Variants in MAGI2 observed in about 807,000 individuals in gnomAD.
MAGI2 encodes membrane associated guanylate kinase, WW and PDZ domain containing 2.
A neutral mutation model predicts 133.3 loss-of-function variants in MAGI2; 35 were observed. That is an observed-to-expected ratio of 0.26 (90% CI 0.20 to 0.35). The LOEUF is 0.35. Among genes scored for constraint, MAGI2 ranks in the 10% least tolerant of loss-of-function variants. The pLI is 1.00. For synonymous variants in MAGI2, 729 were observed against 710.6 expected, an observed-to-expected ratio of 1.03 and a Z score of -0.41; for missense variants, 1,636 against 1,863.4, an observed-to-expected ratio of 0.88 and a Z score of 2.25.
chr7:79,158,630 G>A (rs1447967454), intron 1 of MAGI2, among the ~76,000 whole-genome samples: 1 of 152,008 alleles, frequency 6.6e-6, no homozygotes, highest in Non-Finnish European at 1.5e-5. Flanking sequence ...TTGGCTTAAT[G>A]AAAATAGTCA....
At chr7:79,049,206 C>T (rs1023475065) in intron 1 of MAGI2, among the ~76,000 whole-genome samples, 2 of 152,062 alleles carry the variant, frequency 1.3e-5, no homozygotes, top group Admixed American at 6.6e-5. Flanking sequence ...TTTCAATGAA[C>T]ATTAAATACT....
At chr7:78,720,797 CT>C (rs1343374131) in intron 2 of MAGI2, among the ~76,000 whole-genome samples, 4 of 152,082 alleles carry the variant, frequency 2.6e-5, no homozygotes, top group Admixed American at 1.3e-4. Context: ...AAATAATCAA[CT>C]TTTATTTCTC....
intron 1 of MAGI2, among the ~76,000 whole-genome samples, chr7:79,042,311 G>A (rs1811743115): frequency 6.6e-6 from 1 of 151,992 alleles, no homozygotes; most frequent in South Asian, 2.1e-4. Context: ...GATTGTTGTT[G>A]GTTTAAAGTC....
In MAGI2 at chr7:78,461,198, C is replaced by T. The variant is rs191730150; in HGVS notation, c.1045+28563G>A. Reference sequence around the variant, plus strand: ...TATATATTTGAGTGCCTACTGTTTGCGAAGAGGTGGACATATTACCTGTGC... The same window carrying T: ...TATATATTTGAGTGCCTACTGTTTGTGAAGAGGTGGACATATTACCTGTGC... On this transcript the variant is annotated intron_variant, in intron 6 of 21. Transcript: ENST00000354212. 2.2e-4 allele frequency among the ~76,000 whole-genome samples: 34 copies of T among 151,942 alleles called. 1 individual carries two copies. Among genetic ancestry groups the T allele is most frequent in the African/African-American group, 6.5e-4 (27 of 41,408 alleles).
At chr7:78,761,659 T>C (rs1824527164) in intron 2 of MAGI2, among the ~76,000 whole-genome samples, 1 of 152,114 alleles carries the variant, frequency 6.6e-6, no homozygotes, top group African/African-American at 2.4e-5. Flanking sequence ...GGTTTCACCA[T>C]GTTAGCCATG....
chr7:78,470,667 A>G (rs988903572), intron 6 of MAGI2, among the ~76,000 whole-genome samples: 3 of 152,178 alleles, frequency 2.0e-5, no homozygotes, highest in Admixed American at 1.3e-4. Flanking sequence ...TGGGCTTATA[A>G]AGTAATTTGG....
chr7:78,845,493 T>C (rs1267382866), intron 2 of MAGI2, among the ~76,000 whole-genome samples: 1 of 151,928 alleles, frequency 6.6e-6, no homozygotes, highest in Admixed American at 6.6e-5. Flanking sequence ...TATTTCAGTT[T>C]CTAAATCATT....
chr7:78,868,568 G>T (rs1255470076), intron 2 of MAGI2, among the ~76,000 whole-genome samples: 1 of 152,076 alleles, frequency 6.6e-6, no homozygotes. Flanking sequence ...ACCTTTTAAA[G>T]GATATTGTGT....
At chr7:78,530,499 C>T (rs186516640) in intron 3 of MAGI2, among the ~76,000 whole-genome samples, 35 of 152,288 alleles carry the variant, frequency 2.3e-4, no homozygotes, top group Admixed American at 2.0e-3. Context: ...CTTGTGTTCA[C>T]GGGTAGGACT....
At chr7:78,445,005 T>A (rs7795283) in intron 6 of MAGI2, among the ~76,000 whole-genome samples, 1 of 151,528 alleles carries the variant, frequency 6.6e-6, no homozygotes, top group East Asian at 1.9e-4. Flanking sequence ...CAAATTCCCC[T>A]GTCTTGATAC....
chr7:78,142,005 CACG>C (rs1481407453), intron 16 of MAGI2, among the ~76,000 whole-genome samples: 10 of 152,126 alleles, frequency 6.6e-5, no homozygotes, highest in Non-Finnish European at 4.4e-5. Context: ...AAAGAAATCT[CACG>C]ACATTAGGAA....
intron 3 of MAGI2, among the ~76,000 whole-genome samples, chr7:78,587,921 A>T (rs1275912579): frequency 2.0e-5 from 3 of 152,258 alleles, no homozygotes; most frequent in Non-Finnish European, 4.4e-5. Context: ...GGAATTTAAA[A>T]GAATTACAAG....
chr7:78,038,574 CA>C (rs3837119), intron 21 of MAGI2, among the ~76,000 whole-genome samples: 61,098 of 151,954 alleles, frequency 0.4, 12,584 homozygotes, highest in African/African-American at 0.43. Context: ...GCTAGAAATG[CA>C]GACTCCCCAC....
At chr7:79,283,368 T>C (rs946408401) in intron 1 of MAGI2, among the ~76,000 whole-genome samples, 1 of 152,160 alleles carries the variant, frequency 6.6e-6, no homozygotes, top group Non-Finnish European at 1.5e-5. Flanking sequence ...CGTGTCCAAG[T>C]GGTGACTATG....
At chr7:78,795,286 T>C (rs1482050303) in intron 2 of MAGI2, among the ~76,000 whole-genome samples, 3 of 151,856 alleles carry the variant, frequency 2.0e-5, no homozygotes, top group Non-Finnish European at 2.9e-5. Flanking sequence ...GTAACAATCT[T>C]ATATTCAGAT....
At position 79,119,164 on chromosome 7, in the gene MAGI2, T is replaced by A. The variant is rs563367996; in HGVS notation, c.302-111958A>T. Among the ~76,000 whole-genome samples, 4 of 152,284 alleles carry A rather than the reference T, an allele frequency of 2.6e-5. No individual in the cohort carries two copies. In the South Asian group the frequency reaches 8.3e-4, roughly 32 times the overall value. On this transcript the variant is annotated intron_variant, in intron 1 of 21. Coordinates refer to ENST00000354212, the MANE Select transcript of MAGI2 (RefSeq NM_012301.4). ...AGAAATCAGCGAAGTAATTTCTCTG[T>A]CTGGTTCACATAATAATTTGCATAG... is the stretch of plus-strand genomic sequence containing the variant.
At chr7:78,873,165 G>C (rs1306631409) in intron 2 of MAGI2, among the ~76,000 whole-genome samples, 2 of 152,148 alleles carry the variant, frequency 1.3e-5, no homozygotes, top group African/African-American at 4.8e-5. Context: ...TTTAAGAAAA[G>C]CTGCTAAATA....
chr7:78,117,827 T>C (rs1005302451), intron 20 of MAGI2, among the ~76,000 whole-genome samples: 1 of 152,226 alleles, frequency 6.6e-6, no homozygotes, highest in Non-Finnish European at 1.5e-5. Flanking sequence ...CTGATATAAT[T>C]GATCAATATA....
chr7:78,175,391 C>T (rs775720374), intron 14 of MAGI2, among the ~76,000 whole-genome samples: 25 of 152,096 alleles, frequency 1.6e-4, no homozygotes, highest in East Asian at 5.8e-4. Context: ...TTTTGGGGCC[C>T]CTCAGCTGAG....
Sources: allele counts gnomAD v4.1 joint callset (sites outside exome capture counted in the v4.1 genomes callset), GRCh38; gene constraint gnomAD v4.1.1; transcripts MANE v1.5; gene names NCBI Gene and HGNC (gene_info 2026-07-23, HGNC 2026-07-21).